Variants in NFIB observed in about 807,000 individuals in gnomAD.
NFIB encodes nuclear factor I B.
Under a neutral mutation model 61.5 loss-of-function variants are expected in NFIB, and 11 were observed. The observed-to-expected ratio is 0.18, with a 90% CI of 0.11 to 0.30. NFIB has a LOEUF of 0.30. Ranked by LOEUF, NFIB falls within the 10% of genes least tolerant of loss-of-function variation. The pLI is 1.00. For missense variants in NFIB, 471 were observed against 608.9 expected (o/e 0.77, Z 2.38); for synonymous variants, 260 against 216.5 (o/e 1.20, Z -1.76).
the NFIB span, among the ~76,000 whole-genome samples, chr9:14,463,911 C>T: frequency 2.0e-5 from 3 of 152,156 alleles, no homozygotes; most frequent in Non-Finnish European, 4.4e-5. Context: ...CCGACCGCCT[C>T]GGCCTCCCAA....
At chr9:14,245,789 C>T (rs557080453) in intron 2 of NFIB, among the ~76,000 whole-genome samples, 190 of 152,216 alleles carry the variant, frequency 1.2e-3, no homozygotes, top group Non-Finnish European at 1.9e-3. Flanking sequence ...ACGAGAATCG[C>T]TTGAACCCGG....
the NFIB span, among the ~76,000 whole-genome samples, chr9:14,496,283 C>T: frequency 6.6e-6 from 1 of 152,152 alleles, no homozygotes; most frequent in Non-Finnish European, 1.5e-5. Flanking sequence ...TTATATATGC[C>T]TTATCTACAT....
At chr9:14,416,707 G>T in the NFIB span, among the ~76,000 whole-genome samples, 1 of 151,732 alleles carries the variant, frequency 6.6e-6, no homozygotes, top group Non-Finnish European at 1.5e-5. Flanking sequence ...ATTGAAGAAA[G>T]AAAAAATTTT....
chr9:14,455,166 T>C, the NFIB span, among the ~76,000 whole-genome samples: 552 of 152,282 alleles, frequency 3.6e-3, 1 homozygote, highest in South Asian at 0.016. Flanking sequence ...AATAGAGATA[T>C]GTAATGGAGA....
At chr9:14,429,621 G>A in the NFIB span, among the ~76,000 whole-genome samples, 35 of 152,154 alleles carry the variant, frequency 2.3e-4, no homozygotes, top group African/African-American at 8.4e-4. Flanking sequence ...CTCAATTCTC[G>A]GATCCTGTGG....
chr9:14,204,528 A>T, intron 2 of NFIB: 1 of 1,320,126 alleles, frequency 7.6e-7, no homozygotes, highest in Non-Finnish European at 1.1e-6. Context: ...ACAGCTACTC[A>T]GCTGCTTAAG....
chr9:14,348,243 C>T (rs566404307), intron 1 of NFIB, among the ~76,000 whole-genome samples: 1 of 151,996 alleles, frequency 6.6e-6, no homozygotes, highest in South Asian at 2.1e-4. Context: ...GCAGCGCACC[C>T]TTTTCCTTTT....
intron 9 of NFIB, among the ~76,000 whole-genome samples, 195 bp downstream of exon 9, chr9:14,116,013 A>AAG (rs1345884091): frequency 6.6e-6 from 1 of 152,218 alleles, no homozygotes; most frequent in Non-Finnish European, 1.5e-5. Flanking sequence ...GGAATTTGAG[A>AAG]AGAGAGAGCC....
chr9:14,460,653 A>T, the NFIB span, among the ~76,000 whole-genome samples: 3 of 152,232 alleles, frequency 2.0e-5, no homozygotes, highest in African/African-American at 7.2e-5. Context: ...ATAGACCTAT[A>T]TGTAATTATA....
At chr9:14,321,854 G>T (rs2060669014) in intron 1 of NFIB, 1 of 1,226,930 alleles carries the variant, frequency 8.2e-7, no homozygotes, top group African/African-American at 1.6e-5. Context: ...CCACAAACAG[G>T]AAAAGAAAAA....
chr9:14,313,270 C>A lies in NFIB; in HGVS notation c.30+212G>T, dbSNP rs1042334749. On this transcript the variant is annotated intron_variant, in intron 1 of 10. Coordinates refer to ENST00000380953, the MANE Select transcript of NFIB (RefSeq NM_001190737.2). This position sits in a 1 kb window ranked among gnomAD's most constrained non-coding sequence, Gnocchi z 4.5. ...CGGCCCAGCGCCCGCGCTCCGTGCC[C>A]AGGGCGCGGGGCTGGGCGCTCGCAG... is the stretch of plus-strand genomic sequence containing the variant. Among the ~76,000 whole-genome samples the A allele has an allele frequency of 7.9e-5, 12 of 151,488 alleles. No homozygotes were observed. The highest frequency in any genetic ancestry group is 1.8e-4 in the Non-Finnish European group (12 of 67,862).
chr9:14,147,636 CTTTTTTTTTT>C (rs34256054), intron 5 of NFIB, among the ~76,000 whole-genome samples: 3 of 108,674 alleles, frequency 2.8e-5, no homozygotes, highest in African/African-American at 3.8e-5. Context: ...TAAAATGATA[CTTTTTTTTTT>C]TTTTTTTTTT....
In NFIB at chr9:14,127,628, T is replaced by C. The variant is rs531655319; in HGVS notation, c.926-1862A>G. 2.5e-4 allele frequency among the ~76,000 whole-genome samples: 38 copies of C among 152,332 alleles called. No homozygotes were observed. The East Asian group carries it at 6.8e-3, about 27-fold the overall frequency. On this transcript the variant is annotated intron_variant, in intron 6 of 10. Coordinates refer to ENST00000380953, the MANE Select transcript of NFIB (RefSeq NM_001190737.2). ...TACAAAATGTACACAATTTGCATTTTTGAGTTTTCTTGAAATTAGAAAAAG... is the reference window on the plus strand; with the variant it reads ...TACAAAATGTACACAATTTGCATTTCTGAGTTTTCTTGAAATTAGAAAAAG...
chr9:14,137,985 T>C (rs566532544), intron 6 of NFIB, among the ~76,000 whole-genome samples: 41 of 152,242 alleles, frequency 2.7e-4, no homozygotes, highest in African/African-American at 9.9e-4. Context: ...TATAATTAGT[T>C]TGCAAAATCA....
intron 6 of NFIB, among the ~76,000 whole-genome samples, chr9:14,135,094 T>A (rs12375873): frequency 0.071 from 10,835 of 152,204 alleles, 524 homozygotes; most frequent in Non-Finnish European, 0.11. Flanking sequence ...AATGAAATAC[T>A]AACAGAAGTT....
chr9:14,518,847 A>G, the NFIB span, among the ~76,000 whole-genome samples: 10 of 151,978 alleles, frequency 6.6e-5, no homozygotes, highest in Non-Finnish European at 4.4e-5. Context: ...CCAATTCCCA[A>G]CTTCCCTCTC....
In NFIB at chr9:14,330,241, G is replaced by T. The variant is rs186016769; in HGVS notation, c.109-22721C>A. On this transcript the variant is annotated intron_variant, in intron 1 of 8. Transcript: ENST00000380934. ...ATCAAATATGCTCTAATTGATAAAG[G>T]AAGTACCTAACTAAAAAGTTAAATA... Among the ~76,000 whole-genome samples the T allele has an allele frequency of 3.0e-3, 451 of 152,274 alleles. 3 individuals are homozygous for T. The highest frequency in any genetic ancestry group is 0.011 in the African/African-American group (439 of 41,554).
At chr9:14,521,340 G>A in the NFIB span, among the ~76,000 whole-genome samples, 2 of 152,168 alleles carry the variant, frequency 1.3e-5, no homozygotes, top group Non-Finnish European at 2.9e-5. Flanking sequence ...AACACGGCTT[G>A]TAATGTTCTG....
At chr9:14,517,289 T>G in the NFIB span, among the ~76,000 whole-genome samples, 1 of 152,224 alleles carries the variant, frequency 6.6e-6, no homozygotes, top group Admixed American at 6.5e-5. Context: ...AGAAACTCAA[T>G]GTGTTTGTCT....
Sources: allele counts gnomAD v4.1 joint callset (sites outside exome capture counted in the v4.1 genomes callset), GRCh38; gene constraint gnomAD v4.1.1; non-coding constraint Gnocchi (gnomAD v3.1); transcripts MANE v1.5; gene names NCBI Gene and HGNC (gene_info 2026-07-23, HGNC 2026-07-21).